SMARCA2: variants seen among roughly 807,000 people sequenced by gnomAD.
The protein encoded by SMARCA2 is SWI/SNF-related matrix-associated actin-dependent regulator of chromatin subfamily A member 2.
Under a neutral mutation model 199.8 loss-of-function variants are expected in SMARCA2, and 61 were observed. The ratio of observed to expected loss-of-function variants is 0.31; its 90% CI spans 0.25 to 0.38. The LOEUF (loss-of-function observed/expected upper bound fraction) is 0.38. SMARCA2 is among the 10% of genes least tolerant of loss of function. The pLI, the probability that SMARCA2 is intolerant of heterozygous loss-of-function variation, is 1.00. For missense variants in SMARCA2, 1,344 were observed against 2,012.2 expected (o/e 0.67, Z 6.35); for synonymous variants, 935 against 732.0 (o/e 1.28, Z -4.48).
In SMARCA2 at chr9:2,029,924, T is replaced by A. The variant is rs113076743; in HGVS notation, c.225+677T>A. Among the ~76,000 whole-genome samples the A allele has an allele frequency of 3.8e-3, 574 of 152,362 alleles. 4 individuals are homozygous for A. The highest frequency in any genetic ancestry group is 0.013 in the African/African-American group (540 of 41,574). ...ATCATATCTGTACAACTTGGCATTA[T>A]GCCTTCACAGGAGATGCAAAGAAGA... On this transcript the variant is annotated intron_variant, in intron 2 of 33. Transcript: ENST00000349721.
intron 27 of SMARCA2, among the ~76,000 whole-genome samples, chr9:2,135,503 A>G (rs1824153374): frequency 6.6e-6 from 1 of 152,174 alleles, no homozygotes; most frequent in South Asian, 2.1e-4. Flanking sequence ...GAACTAAGAC[A>G]TGCGTTGAGT....
Position 2,123,605 on chromosome 9 carries a change from G to C in SMARCA2, c.3763-114G>C. On this transcript the variant is annotated intron_variant, in intron 26 of 33. Transcript: ENST00000349721. The surrounding 1 kb of genome is among the most constrained non-coding windows in gnomAD (Gnocchi z 4.1). ...GAACAAGCCAACCAGGATGAGAGAG[G>C]TTGAAAGGGACCCTGCAGCCATAGG... 1.1e-6 allele frequency: 1 copy of C among 888,174 alleles called. No individual in the cohort carries two copies. The highest frequency in any genetic ancestry group is 1.6e-5 in the African/African-American group (1 of 60,948). 55.0% of individuals were successfully genotyped at this position (888,174 alleles called of 1,614,324 possible).
intron 27 of SMARCA2, among the ~76,000 whole-genome samples, chr9:2,152,940 G>A (rs544372216): frequency 6.6e-6 from 1 of 152,152 alleles, no homozygotes; most frequent in Non-Finnish European, 1.5e-5. Context: ...ATACAGGAGA[G>A]ATTCTAGATA....
chr9:2,126,530 G>A (rs1309647034), intron 27 of SMARCA2, among the ~76,000 whole-genome samples: 4 of 152,214 alleles, frequency 2.6e-5, no homozygotes, highest in Non-Finnish European at 5.9e-5. Context: ...GTTCTCATGG[G>A]CCTGGATGTG....
chr9:2,139,224 T>G (rs749133177), intron 27 of SMARCA2, among the ~76,000 whole-genome samples: 1 of 152,186 alleles, frequency 6.6e-6, no homozygotes, highest in Non-Finnish European at 1.5e-5. Context: ...AAGAGTTTAA[T>G]TGACGTGAGG....
intron 31 of SMARCA2, among the ~76,000 whole-genome samples, chr9:2,184,577 A>T (rs1300758042): frequency 1.3e-5 from 2 of 151,152 alleles, no homozygotes; most frequent in Non-Finnish European, 2.9e-5. Flanking sequence ...CTGGTCTCGA[A>T]CTCCTGACCT....
intron 2 of SMARCA2, among the ~76,000 whole-genome samples, chr9:2,032,177 T>C (rs766419705): frequency 1.3e-5 from 2 of 152,264 alleles, no homozygotes; most frequent in Non-Finnish European, 2.9e-5. Context: ...TCTTTCAGGC[T>C]GTTTTGAAAA....
At chr9:2,047,651 C>A in intron 5 of SMARCA2, 167 bp downstream of exon 5, 2 of 838,352 alleles carry the variant, frequency 2.4e-6, no homozygotes, top group Non-Finnish European at 3.2e-6. Context: ...TGAGGGGAGG[C>A]ACCGGGGTTT....
chr9:2,123,695 T>C lies in SMARCA2; in HGVS notation c.3763-24T>C, dbSNP rs1381089551. On this transcript the variant is annotated intron_variant, in intron 26 of 33. Coordinates refer to ENST00000349721, the MANE Select transcript of SMARCA2 (RefSeq NM_003070.5). The surrounding 1 kb of genome is among the most constrained non-coding windows in gnomAD (Gnocchi z 4.1). ...ACCATACAGAAGCCCTGACTTTCGG[T>C]GACCCTCTTATTAATGTCTCCAGCG... 1.2e-6 allele frequency: 2 copies of C among 1,608,312 alleles called. No individual in the cohort carries two copies. Among genetic ancestry groups the C allele is most frequent in the Non-Finnish European group, 1.7e-6 (2 of 1,175,360 alleles).
intron 4 of SMARCA2, 181 bp downstream of exon 4, chr9:2,040,081 G>C: frequency 1.7e-6 from 2 of 1,202,136 alleles, no homozygotes. Context: ...CTGCTGTTGA[G>C]ACCTAGGGCA....
chr9:2,163,910 G>T (rs144720034), intron 28 of SMARCA2, among the ~76,000 whole-genome samples: 1 of 151,916 alleles, frequency 6.6e-6, no homozygotes, highest in Middle Eastern at 3.2e-3. Context: ...TGAGGGGTGG[G>T]GGTCAGCAAA....
At chr9:2,174,587 A>G (rs777347812) in intron 29 of SMARCA2, among the ~76,000 whole-genome samples, 36 of 152,144 alleles carry the variant, frequency 2.4e-4, no homozygotes, top group Non-Finnish European at 4.7e-4. Flanking sequence ...TTTGGTCGCA[A>G]TTCAGCCAAA....
At chr9:2,036,593 G>A (rs984172571) in intron 3 of SMARCA2, among the ~76,000 whole-genome samples, 25 of 152,040 alleles carry the variant, frequency 1.6e-4, no homozygotes, top group African/African-American at 5.1e-4. Flanking sequence ...AATACCATAC[G>A]GTGACAGAAT....
At chr9:2,154,585 G>A (rs1177492555) in intron 27 of SMARCA2, among the ~76,000 whole-genome samples, 12 of 152,128 alleles carry the variant, frequency 7.9e-5, no homozygotes, top group Admixed American at 2.0e-4. Context: ...TTGCAGTAGC[G>A]TGGAACCCTG....
At chr9:2,155,125 G>A (rs1825281128) in intron 27 of SMARCA2, among the ~76,000 whole-genome samples, 1 of 152,080 alleles carries the variant, frequency 6.6e-6, no homozygotes, top group Non-Finnish European at 1.5e-5. Context: ...TTATAATTTG[G>A]TAGGGTCTTC....
chr9:2,186,983 T>C (rs1827504689), intron 32 of SMARCA2, among the ~76,000 whole-genome samples: 1 of 152,234 alleles, frequency 6.6e-6, no homozygotes, highest in Non-Finnish European at 1.5e-5. Context: ...TAGCCTGTTG[T>C]GGGGCCTGAG....
At chr9:2,066,357 GA>G (rs1452674735) in intron 9 of SMARCA2, among the ~76,000 whole-genome samples, 1 of 152,152 alleles carries the variant, frequency 6.6e-6, no homozygotes, top group African/African-American at 2.4e-5. Context: ...TTCATATTTA[GA>G]GATTTCTTTC....
intron 1 of SMARCA2, among the ~76,000 whole-genome samples, chr9:2,025,066 G>T (rs1818768137): frequency 6.9e-6 from 1 of 145,078 alleles, no homozygotes; most frequent in Non-Finnish European, 1.5e-5. Context: ...TGGCTGTGCT[G>T]AGCCTTTCAG....
In SMARCA2 at chr9:2,104,185, A is replaced by G. The variant is rs747159282; in HGVS notation, c.3292+16A>G. The G allele has an allele frequency of 4.4e-6, 7 of 1,603,088 alleles. No homozygotes were observed. The highest frequency in any genetic ancestry group is 4.3e-6 in the Non-Finnish European group (5 of 1,172,414). Reference sequence around the variant, plus strand: ...CGCCTTGATGGTAAGTGCATAAGGCATTAGGCTCGGAAGCCATACTACTGA... The same window carrying G: ...CGCCTTGATGGTAAGTGCATAAGGCGTTAGGCTCGGAAGCCATACTACTGA... On this transcript the variant is annotated intron_variant, in intron 23 of 33. Coordinates refer to ENST00000349721, the MANE Select transcript of SMARCA2 (RefSeq NM_003070.5). The surrounding 1 kb of genome is among the most constrained non-coding windows in gnomAD (Gnocchi z 4.0).
Sources: gnomAD v4.1 joint callset for allele counts (sites outside exome capture counted in the v4.1 genomes callset) on GRCh38, gnomAD v4.1.1 for gene constraint, Gnocchi (gnomAD v3.1) non-coding constraint, MANE v1.5 for transcripts, NCBI Gene and HGNC (gene_info 2026-07-23, HGNC 2026-07-21) for gene names.